Variants in AGBL3 observed in about 807,000 individuals in gnomAD.
AGBL3 encodes the protein cytosolic carboxypeptidase 3.
In AGBL3, 68 loss-of-function variants were observed where a neutral mutation model predicts 94.5. The ratio of observed to expected loss-of-function variants is 0.72; its 90% CI spans 0.59 to 0.88. AGBL3 has a LOEUF of 0.88. AGBL3 is among the 40% of genes least tolerant of loss of function. AGBL3 has a pLI of 0.00. For synonymous variants in AGBL3, 354 were observed against 370.7 expected, an observed-to-expected ratio of 0.95 and a Z score of 0.52; for missense variants, 934 against 1,103.8, an observed-to-expected ratio of 0.85 and a Z score of 2.18.
intron 12 of AGBL3, among the ~76,000 whole-genome samples, chr7:135,072,765 G>A (rs990813284): frequency 7.0e-6 from 1 of 142,310 alleles, no homozygotes; most frequent in African/African-American, 2.6e-5. Flanking sequence ...GGCTTGTTGT[G>A]GAGTGGGGGA....
intron 16 of AGBL3, among the ~76,000 whole-genome samples, chr7:135,117,658 C>T (rs1394265997): frequency 6.6e-6 from 1 of 152,176 alleles, no homozygotes; most frequent in Non-Finnish European, 1.5e-5. Context: ...CAACAAAAAT[C>T]AACCTGACAA....
At chr7:135,026,322 T>G (rs910181861) in intron 5 of AGBL3, among the ~76,000 whole-genome samples, 3 of 128,912 alleles carry the variant, frequency 2.3e-5, no homozygotes, top group African/African-American at 6.2e-5. Context: ...TTGCCCGGGC[T>G]GGAGTGTAGT....
intron 16 of AGBL3, among the ~76,000 whole-genome samples, chr7:135,123,794 A>G (rs1331445830): frequency 6.6e-6 from 1 of 152,218 alleles, no homozygotes; most frequent in African/African-American, 2.4e-5. Context: ...GGCCAAACTA[A>G]TCTTCATAAG....
intron 12 of AGBL3, among the ~76,000 whole-genome samples, chr7:135,059,500 G>A (rs1198341442): frequency 6.6e-6 from 1 of 152,124 alleles, no homozygotes; most frequent in East Asian, 1.9e-4. Flanking sequence ...TGACAGAGGT[G>A]GTAGCCTAAC....
intron 11 of AGBL3, among the ~76,000 whole-genome samples, chr7:135,056,014 T>C (rs767208893): frequency 1.3e-5 from 2 of 152,146 alleles, no homozygotes; most frequent in Non-Finnish European, 2.9e-5. Flanking sequence ...TTCAAGAAGC[T>C]GGTCTGTTTC....
intron 15 of AGBL3, among the ~76,000 whole-genome samples, chr7:135,082,283 TG>T (rs1335575169): frequency 6.6e-6 from 1 of 152,190 alleles, no homozygotes; most frequent in Non-Finnish European, 1.5e-5. Flanking sequence ...TAATTCCAAC[TG>T]ACTCATTTTC....
At chr7:134,988,730 TG>T (rs1306545174) in intron 2 of AGBL3, among the ~76,000 whole-genome samples, 1 of 152,012 alleles carries the variant, frequency 6.6e-6, no homozygotes, top group African/African-American at 2.4e-5. Context: ...CTCTGCCTCC[TG>T]GGTTCAAACG....
At chr7:135,110,447 T>C (rs1430598825) in intron 15 of AGBL3, among the ~76,000 whole-genome samples, 11 of 152,136 alleles carry the variant, frequency 7.2e-5, no homozygotes, top group Admixed American at 7.2e-4. Flanking sequence ...ACTCCATGTA[T>C]CAATAACCCT....
At chr7:135,072,154 A>C (rs991130085) in intron 12 of AGBL3, among the ~76,000 whole-genome samples, 3 of 152,232 alleles carry the variant, frequency 2.0e-5, no homozygotes, top group African/African-American at 7.2e-5. Context: ...CAAAAGACAC[A>C]TGAAAAAAAT....
intron 16 of AGBL3, among the ~76,000 whole-genome samples, chr7:135,117,351 C>G (rs1191471997): frequency 2.2e-5 from 3 of 134,820 alleles, no homozygotes; most frequent in Admixed American, 1.5e-4. Flanking sequence ...GGCTTAAGAA[C>G]AGAACAGACA....
chr7:135,052,721 G>A (rs909098795), intron 11 of AGBL3, among the ~76,000 whole-genome samples: 5 of 152,124 alleles, frequency 3.3e-5, no homozygotes, highest in African/African-American at 1.2e-4. Flanking sequence ...GAGGATAAGA[G>A]ACAGAAGTGA....
chr7:134,999,055 T>C (rs2133398964), intron 4 of AGBL3, among the ~76,000 whole-genome samples: 1 of 152,338 alleles, frequency 6.6e-6, no homozygotes, highest in African/African-American at 2.4e-5. Flanking sequence ...CAATTACCTT[T>C]TCCAATTCTC....
chr7:135,040,981 AC>A (rs1172122115), intron 8 of AGBL3, among the ~76,000 whole-genome samples: 4 of 152,178 alleles, frequency 2.6e-5, no homozygotes, highest in African/African-American at 9.7e-5. Flanking sequence ...ATTTCTGTAT[AC>A]TCACAATGAA....
intron 11 of AGBL3, among the ~76,000 whole-genome samples, chr7:135,047,924 A>G (rs1408825834): frequency 6.6e-6 from 1 of 151,904 alleles, no homozygotes; most frequent in Non-Finnish European, 1.5e-5. Context: ...TTGGTGTCGT[A>G]TCTATGAAAT....
At chr7:135,134,718 T>C (rs560482469) in intron 16 of AGBL3, 123 bp from the exon 17 acceptor site, 1 of 947,728 alleles carries the variant, frequency 1.1e-6, no homozygotes, top group Admixed American at 3.0e-5. Flanking sequence ...GTAAAATTCT[T>C]AAACTTTAAG....
At chr7:135,044,643 T>A (rs1009387658) in intron 9 of AGBL3, among the ~76,000 whole-genome samples, 5 of 152,138 alleles carry the variant, frequency 3.3e-5, no homozygotes, top group African/African-American at 1.2e-4. Flanking sequence ...ATTGTCACAT[T>A]ATCAGAAAAA....
At position 135,129,544 on chromosome 7, in the gene AGBL3, T is replaced by C; in HGVS notation, c.2343-5297T>C. ...AACAAGATGACATGTACTGGCTGTATGCAATATTTCTGTTGGATTTGCATG... is the reference window on the plus strand; with the variant it reads ...AACAAGATGACATGTACTGGCTGTACGCAATATTTCTGTTGGATTTGCATG... On this transcript the variant is annotated intron_variant, in intron 16 of 16. Coordinates refer to ENST00000436302, the MANE Select transcript of AGBL3 (RefSeq NM_178563.4). 5.2e-6 allele frequency: 4 copies of C among 772,316 alleles called. No homozygotes were observed. In the Admixed American group the frequency reaches 6.8e-5, roughly 13 times the overall value. 47.8% of individuals were successfully genotyped at this position (772,316 alleles called of 1,614,324 possible).
Position 135,017,168 on chromosome 7 carries a change from A to G in AGBL3, c.418+9A>G, listed in dbSNP as rs1414674967. ...TTATCTAGCTGAAGATGGTGAGCACATAATGACACATGTTGCTGTAAAATA... is the reference window on the plus strand; with the variant it reads ...TTATCTAGCTGAAGATGGTGAGCACGTAATGACACATGTTGCTGTAAAATA... On this transcript the variant is annotated intron_variant, in intron 5 of 16. Coordinates refer to ENST00000436302, the MANE Select transcript of AGBL3 (RefSeq NM_178563.4). The G allele has an allele frequency of 2.0e-6, 3 of 1,470,368 alleles. No individual in the cohort carries two copies. The highest frequency in any genetic ancestry group is 2.5e-5 in the East Asian group (1 of 40,526). The allele number at this position is 1,470,368 out of a possible 1,614,324, so 91.1% of individuals were successfully genotyped here. A position where few individuals can be genotyped will look rare whatever the true frequency, so the allele number is the denominator to read the frequency against.
chr7:134,991,310 A>G (rs944405758), intron 3 of AGBL3, among the ~76,000 whole-genome samples: 1 of 151,902 alleles, frequency 6.6e-6, no homozygotes, highest in African/African-American at 2.4e-5. Flanking sequence ...CATACACAGG[A>G]TTAGGAGATA....
Sources: gnomAD v4.1 joint callset for allele counts (sites outside exome capture counted in the v4.1 genomes callset) on GRCh38, gnomAD v4.1.1 for gene constraint, MANE v1.5 for transcripts, NCBI Gene and HGNC (gene_info 2026-07-23, HGNC 2026-07-21) for gene names.